The following RIPOR2 variants were observed in gnomAD, a reference collection of about 807,000 sequenced individuals.
RIPOR2 encodes rho family-interacting cell polarization regulator 2.
Under a neutral mutation model 114.5 loss-of-function variants are expected in RIPOR2, and 39 were observed. The ratio of observed to expected loss-of-function variants is 0.34; its 90% confidence interval spans 0.26 to 0.44. The LOEUF (loss-of-function observed/expected upper bound fraction) is 0.44, where lower values mean the gene tolerates loss of function less well. Ranked by LOEUF, RIPOR2 falls within the 20% of genes least tolerant of loss-of-function variation. The pLI is 1.00. For missense variants in RIPOR2, 1,007 were observed against 1,255.1 expected (o/e 0.80, Z 2.99); for synonymous variants, 445 against 484.4 (o/e 0.92, Z 1.07).
At chr6:24,923,497 G>C (rs564404853) in intron 1 of RIPOR2, among the ~76,000 whole-genome samples, 35 of 152,124 alleles carry the variant, frequency 2.3e-4, no homozygotes, top group South Asian at 2.1e-4. Context: ...AAAAGTGGCC[G>C]AGAGTTTCCT....
chr6:24,862,769 T>G (rs1047795487), intron 7 of RIPOR2, among the ~76,000 whole-genome samples: 1 of 149,654 alleles, frequency 6.7e-6, no homozygotes, highest in Admixed American at 6.7e-5. Context: ...CTTGAGGACA[T>G]CCATGGTCAA....
chr6:24,912,641 T>C (rs1024137811), intron 1 of RIPOR2, among the ~76,000 whole-genome samples: 4 of 152,122 alleles, frequency 2.6e-5, no homozygotes, highest in Non-Finnish European at 5.9e-5. Context: ...AAATATGCAG[T>C]AGAAGTTTGG....
chr6:24,849,828 G>T lies in RIPOR2; in HGVS notation c.1008C>A (p.Ile336=). The change falls in exon 11 of 22, where the codon ATC becomes ATA. Residue 336 remains isoleucine, a synonymous_variant. Coordinates refer to ENST00000643898, the MANE Select transcript of RIPOR2 (RefSeq NM_001286445.3). ...ACCAGGTGATTTCCAGGTTCAGTTTGATGGTACCAAGGTCATTGATGTCGA... is the reference window on the plus strand; with the variant it reads ...ACCAGGTGATTTCCAGGTTCAGTTTTATGGTACCAAGGTCATTGATGTCGA... ...VAVDINDLGT[I]KLNLEITWYP... 1 of 1,613,738 alleles carries T rather than the reference G, an allele frequency of 6.2e-7. No individual in the cohort carries two copies. The highest frequency in any genetic ancestry group is 8.5e-7 in the Non-Finnish European group (1 of 1,179,726).
intron 1 of RIPOR2, among the ~76,000 whole-genome samples, chr6:25,026,401 T>C (rs9366595): frequency 0.21 from 31,924 of 152,096 alleles, 4,132 homozygotes; most frequent in East Asian, 0.59. Flanking sequence ...AGTTTACCTC[T>C]GCTTAGCAAA....
chr6:25,007,122 GTTA>G (rs138145796), intron 1 of RIPOR2, among the ~76,000 whole-genome samples: 14,950 of 152,130 alleles, frequency 0.098, 1,393 homozygotes, highest in East Asian at 0.5. Flanking sequence ...ATGGACTTTT[GTTA>G]TTATTATTAT....
chr6:24,945,405 C>G (rs1274738589), intron 1 of RIPOR2, among the ~76,000 whole-genome samples: 7 of 152,020 alleles, frequency 4.6e-5, no homozygotes, highest in Admixed American at 3.3e-4. Context: ...GACAGTAACT[C>G]AAAGCCATAA....
At chr6:24,859,651 A>G (rs1449431032) in intron 8 of RIPOR2, among the ~76,000 whole-genome samples, 1 of 152,204 alleles carries the variant, frequency 6.6e-6, no homozygotes, top group Non-Finnish European at 1.5e-5. Context: ...AGAAGCATGC[A>G]GCCATTTGGG....
intron 1 of RIPOR2, chr6:25,015,895 G>GTTTTTTTTT (rs1561844639): frequency 1.8e-4 from 3 of 16,450 alleles, no homozygotes; most frequent in African/African-American, 5.9e-4. Context: ...CAGGTTTTTT[G>GTTTTTTTTT]GTTTTTTTTT....
chr6:24,876,484 AGATAAGTCATGCGTCAAACT>A lies in RIPOR2; in HGVS notation c.62-687_62-668del, dbSNP rs371754709. Among the ~76,000 whole-genome samples, 19 of 152,314 alleles carry A rather than the reference AGATAAGTCATGCGTCAAACT, an allele frequency of 1.2e-4. No individual in the cohort carries two copies. The East Asian group carries it at 3.7e-3, about 29-fold the overall frequency. ...CACAAATAGGCCAAGTCAAAGCTTC[AGATAAGTCATGCGTCAAACT>A]GAAAACACAGTCAAGTCTTAAGGCG... On this transcript the variant is annotated intron_variant, in intron 1 of 21. Coordinates refer to ENST00000643898, the MANE Select transcript of RIPOR2 (RefSeq NM_001286445.3).
At chr6:24,874,294 A>T (rs1422851792) in intron 2 of RIPOR2, among the ~76,000 whole-genome samples, 1 of 152,016 alleles carries the variant, frequency 6.6e-6, no homozygotes, top group Non-Finnish European at 1.5e-5. Flanking sequence ...CATTTTTTGT[A>T]GAGATGGGGT....
rs1761066287 is a variant in RIPOR2 at position 24,835,871 on chromosome 6, A to C, written c.2040T>G (p.Ser680Arg). The change falls in exon 15 of 22, where the codon AGT becomes AGG. Residue 680 changes from serine (S) to arginine (R), a missense_variant and splice_region_variant. Transcript: ENST00000643898. ...TGGCTTCTGGGTGAACCGACCTGTA[A>C]CTATTGAAGGTGGGCAAAACATTAG... ...VFSDTETEKH[S>R]YRSVHPEARG... is the part of the protein sequence containing the mutation. The C allele has an allele frequency of 9.7e-6, 15 of 1,551,416 alleles. No homozygotes were observed. Among genetic ancestry groups the C allele is most frequent in the Non-Finnish European group, 1.1e-5 (13 of 1,146,930 alleles).
At chr6:24,981,761 C>T (rs914476238) in intron 1 of RIPOR2, among the ~76,000 whole-genome samples, 3 of 152,198 alleles carry the variant, frequency 2.0e-5, no homozygotes, top group South Asian at 2.1e-4. Context: ...CTCTGTTCCA[C>T]AGTGTTGTCA....
intron 1 of RIPOR2, among the ~76,000 whole-genome samples, chr6:24,932,439 C>CTT (rs58931616): frequency 6.6e-6 from 1 of 151,888 alleles, no homozygotes; most frequent in African/African-American, 2.4e-5. Context: ...CCTTTTCTTT[C>CTT]TGTCTCTCTT....
At chr6:25,020,526 A>G (rs1055369767) in intron 1 of RIPOR2, among the ~76,000 whole-genome samples, 1 of 152,216 alleles carries the variant, frequency 6.6e-6, no homozygotes, top group Non-Finnish European at 1.5e-5. Flanking sequence ...AGATGGATGT[A>G]TCTGCCATTT....
chr6:24,927,752 T>C (rs1201255790), intron 1 of RIPOR2, among the ~76,000 whole-genome samples: 4 of 152,192 alleles, frequency 2.6e-5, no homozygotes, highest in African/African-American at 7.2e-5. Flanking sequence ...AAAAAGGGAA[T>C]TGAATCTTCT....
intron 1 of RIPOR2, among the ~76,000 whole-genome samples, chr6:25,033,936 T>C (rs1449729796): frequency 6.6e-6 from 1 of 152,172 alleles, no homozygotes; most frequent in Non-Finnish European, 1.5e-5. Flanking sequence ...TTAATTCTTT[T>C]CTTTTTCTTC....
At chr6:24,944,871 G>A (rs1296689585) in intron 1 of RIPOR2, among the ~76,000 whole-genome samples, 1 of 152,036 alleles carries the variant, frequency 6.6e-6, no homozygotes, top group Admixed American at 6.6e-5. Context: ...GCAATAAAGG[G>A]CAAAGGGATG....
intron 1 of RIPOR2, among the ~76,000 whole-genome samples, chr6:24,884,241 C>T (rs946465605): frequency 1.3e-5 from 2 of 151,814 alleles, no homozygotes; most frequent in African/African-American, 4.8e-5. Flanking sequence ...ACCCCCGCCT[C>T]TACTAAAAAT....
At chr6:24,971,741 G>A (rs544242733) in intron 1 of RIPOR2, among the ~76,000 whole-genome samples, 2 of 152,296 alleles carry the variant, frequency 1.3e-5, no homozygotes, top group South Asian at 2.1e-4. Flanking sequence ...TCCCAACGCC[G>A]GCAGGCAGTG....
Sources: gnomAD v4.1 joint callset for allele counts (sites outside exome capture counted in the v4.1 genomes callset) on GRCh38, gnomAD v4.1.1 for gene constraint, MANE v1.5 for transcripts, NCBI Gene and HGNC (gene_info 2026-07-23, HGNC 2026-07-21) for gene names.